Variants in DEPDC1B observed in about 807,000 individuals in gnomAD.
DEPDC1B encodes DEP domain containing 1B.
In DEPDC1B, 51 loss-of-function variants were observed where a neutral mutation model predicts 66.5. The ratio of observed to expected loss-of-function variants is 0.77; its 90% CI spans 0.61 to 0.97. The LOEUF (loss-of-function observed/expected upper bound fraction) is 0.97, where lower values mean the gene tolerates loss of function less well. Ranked by LOEUF, DEPDC1B falls within the 50% of genes least tolerant of loss-of-function variation. The probability of loss-of-function intolerance (pLI) is 0.00; values close to 1 mark genes in which losing one functional copy is unlikely to be tolerated. For synonymous variants in DEPDC1B, 226 were observed against 223.6 expected (o/e 1.01, Z -0.10); for missense variants, 552 against 637.1 (o/e 0.87, Z 1.44).
chr5:60,621,037 G>A (rs1752688218), intron 7 of DEPDC1B, among the ~76,000 whole-genome samples: 1 of 151,828 alleles, frequency 6.6e-6, no homozygotes, highest in Non-Finnish European at 1.5e-5. Flanking sequence ...ACTATCTCAA[G>A]GACAAAAAAC....
intron 1 of DEPDC1B, among the ~76,000 whole-genome samples, chr5:60,694,432 C>T (rs986071247): frequency 1.3e-5 from 2 of 152,046 alleles, no homozygotes; most frequent in African/African-American, 2.4e-5. Context: ...CCTAAAGTAC[C>T]AAGGCTTTTG....
intron 7 of DEPDC1B, among the ~76,000 whole-genome samples, chr5:60,620,550 C>T (rs991917583): frequency 3.3e-5 from 5 of 152,208 alleles, no homozygotes; most frequent in African/African-American, 1.2e-4. Flanking sequence ...TGCTCACCAT[C>T]ACTGGCCATC....
chr5:60,599,532 G>A (rs1265039759), intron 9 of DEPDC1B, among the ~76,000 whole-genome samples: 1 of 152,138 alleles, frequency 6.6e-6, no homozygotes, highest in Non-Finnish European at 1.5e-5. Flanking sequence ...CCCTCGTTGG[G>A]AACAGGCCCC....
intron 7 of DEPDC1B, among the ~76,000 whole-genome samples, chr5:60,629,413 C>G (rs1403673712): frequency 1.3e-5 from 2 of 152,158 alleles, no homozygotes; most frequent in African/African-American, 4.8e-5. Context: ...TTTGAGCAAA[C>G]TCCAACTATT....
At position 60,638,742 on chromosome 5, in the gene DEPDC1B, C is replaced by A; in HGVS notation, c.898+8G>T. On this transcript the variant is annotated splice_region_variant and intron_variant, in intron 7 of 10. Transcript: ENST00000265036. ...ATGTAGATATATGTTCATTATATTC[C>A]AACTTACCCAGTACACTGACAAAAG... The A allele has an allele frequency of 6.3e-7, 1 of 1,597,370 alleles. No individual in the cohort carries two copies. Among genetic ancestry groups the A allele is most frequent in the Non-Finnish European group, 8.5e-7 (1 of 1,173,304 alleles).
rs747500676 is a variant in DEPDC1B at position 60,605,733 on chromosome 5, T to A, written c.1022A>T (p.Lys341Ile). 2 of 1,613,154 alleles carry A rather than the reference T, an allele frequency of 1.2e-6. No homozygotes were observed. The highest frequency in any genetic ancestry group is 4.5e-5 in the East Asian group (2 of 44,828). The change falls in exon 8 of 11, where the codon AAA (lysine) becomes ATA (isoleucine). Residue 341 changes from lysine to isoleucine, a missense_variant. Physicochemically the swap from Lys to Ile is moderately radical, Grantham distance 102. Transcript: ENST00000265036. ...MRMMARICLN[K>I]EMPPLCDGFG... The stretch of plus-strand genomic sequence containing the variant: ...GCCATCACACAGGGGTGGCATCTCT[T>A]TGTTTAAGCAAATCCTTGCCATCAT...
chr5:60,687,331 G>T (rs1754443143), intron 1 of DEPDC1B, 104 bp from the exon 2 acceptor site: 2 of 1,347,048 alleles, frequency 1.5e-6, no homozygotes, highest in Admixed American at 2.2e-5. Context: ...CACTTAAACT[G>T]CTTTAATAAC....
intron 7 of DEPDC1B, among the ~76,000 whole-genome samples, chr5:60,616,363 G>A (rs1035469055): frequency 2.0e-5 from 3 of 152,074 alleles, no homozygotes; most frequent in Admixed American, 6.6e-5. Context: ...GAGGAAGTTC[G>A]AACCCATGGC....
intron 2 of DEPDC1B, among the ~76,000 whole-genome samples, chr5:60,678,669 C>T (rs1255725441): frequency 6.6e-6 from 1 of 152,174 alleles, no homozygotes; most frequent in Non-Finnish European, 1.5e-5. Context: ...AACATCTTTT[C>T]AAATGCCCAT....
chr5:60,667,489 A>G (rs546765355), intron 2 of DEPDC1B, among the ~76,000 whole-genome samples: 1 of 144,138 alleles, frequency 6.9e-6, no homozygotes, highest in African/African-American at 2.6e-5. Flanking sequence ...ACATATATAC[A>G]AAAAATGGAT....
chr5:60,607,871 A>G (rs1399382663), intron 7 of DEPDC1B, among the ~76,000 whole-genome samples: 1 of 152,232 alleles, frequency 6.6e-6, no homozygotes, highest in Non-Finnish European at 1.5e-5. Flanking sequence ...GAATGCGTCC[A>G]GCATCAAGAG....
chr5:60,698,530 T>C (rs1754704915), intron 1 of DEPDC1B, among the ~76,000 whole-genome samples: 1 of 152,204 alleles, frequency 6.6e-6, no homozygotes, highest in Non-Finnish European at 1.5e-5. Context: ...GTCACATTAT[T>C]TGTGGCACAT....
chr5:60,615,901 C>T lies in DEPDC1B; in HGVS notation c.899-10045G>A, dbSNP rs190311708. ...ACTGGGAGGCACCCCGCAGTAGGGG[C>T]TGAATGACACCTCACATGGCCGGGT... On this transcript the variant is annotated intron_variant, in intron 7 of 10. Coordinates refer to ENST00000265036, the MANE Select transcript of DEPDC1B (RefSeq NM_018369.3). 1.9e-3 allele frequency among the ~76,000 whole-genome samples: 286 copies of T among 152,308 alleles called. 1 individual carries two copies. The highest frequency in any genetic ancestry group is 3.3e-3 in the Non-Finnish European group (223 of 68,030).
chr5:60,597,988 A>T, intron 10 of DEPDC1B, 74 bp from the exon 11 acceptor site: 1 of 1,339,308 alleles, frequency 7.5e-7, no homozygotes, highest in Non-Finnish European at 1.0e-6. Context: ...GCCAAATTTT[A>T]AGAGTTTCTG....
rs1753939847 is a variant in DEPDC1B at position 60,668,187 on chromosome 5, ATATATATAAAATGGATATTT to A, written c.314+18755_314+18774del. Among the ~76,000 whole-genome samples, 12 of 63,640 alleles carry A rather than the reference ATATATATAAAATGGATATTT, an allele frequency of 1.9e-4. 1 individual carries two copies. The highest frequency in any genetic ancestry group is 2.7e-4 in the Non-Finnish European group (9 of 32,876). The allele number at this position is 63,640 out of a possible 152,430, so 41.8% of individuals were successfully genotyped here. The stretch of plus-strand genomic sequence containing the variant: ...TATATATATAAAATGGATATTTTAT[ATATATATAAAATGGATATTT>A]TATATATATATATAAAATGGATATT... On this transcript the variant is annotated intron_variant, in intron 2 of 10. Transcript: ENST00000265036.
chr5:60,619,586 T>C (rs1389602087), intron 7 of DEPDC1B, among the ~76,000 whole-genome samples: 1 of 152,058 alleles, frequency 6.6e-6, no homozygotes, highest in Non-Finnish European at 1.5e-5. Flanking sequence ...TTACAAGGGA[T>C]GTGAAGGACC....
At chr5:60,621,857 T>G (rs1488855899) in intron 7 of DEPDC1B, among the ~76,000 whole-genome samples, 2 of 152,186 alleles carry the variant, frequency 1.3e-5, no homozygotes, top group African/African-American at 4.8e-5. Flanking sequence ...AATTCAAATG[T>G]TTTCTGAACG....
rs1489926313 is a variant in DEPDC1B at position 60,667,863 on chromosome 5, AAAAAATGGATATTTTACATATATG to A, written c.314+19075_314+19098del. Among the ~76,000 whole-genome samples the A allele has an allele frequency of 3.1e-5, 3 of 96,316 alleles. 1 individual carries two copies. In the South Asian group the frequency reaches 9.8e-4, roughly 31 times the overall value. 63.2% of individuals were successfully genotyped at this position (96,316 alleles called of 152,430 possible). A position where few individuals can be genotyped will look rare whatever the true frequency, so the allele number is the denominator to read the frequency against. On this transcript the variant is annotated intron_variant, in intron 2 of 10. Coordinates refer to ENST00000265036, the MANE Select transcript of DEPDC1B (RefSeq NM_018369.3). ...AAAAATGGATATTTTACATATATGT[AAAAAATGGATATTTTACATATATG>A]TAAAAAATGGATATTTTATATATAT...
chr5:60,693,791 T>C (rs1282539808), intron 1 of DEPDC1B, among the ~76,000 whole-genome samples: 7 of 152,122 alleles, frequency 4.6e-5, no homozygotes, highest in African/African-American at 1.7e-4. Context: ...TTTTAATACA[T>C]GCCCTGATAC....
Sources: gnomAD v4.1 joint callset for allele counts (sites outside exome capture counted in the v4.1 genomes callset) on GRCh38, gnomAD v4.1.1 for gene constraint, MANE v1.5 for transcripts, NCBI Gene and HGNC (gene_info 2026-07-23, HGNC 2026-07-21) for gene names.